PCDH7: variants seen among roughly 807,000 people sequenced by gnomAD.
PCDH7 encodes the protein protocadherin-7.
PCDH7 carries 17 observed loss-of-function variants against 58.9 expected under a neutral mutation model. That is an observed-to-expected ratio of 0.29 (90% confidence interval 0.20 to 0.43). PCDH7 has a LOEUF of 0.43. PCDH7 is among the 20% of genes least tolerant of loss of function. The pLI is 1.00. For synonymous variants in PCDH7, 664 were observed against 616.4 expected, an observed-to-expected ratio of 1.08 and a Z score of -1.14; for missense variants, 1,274 against 1,441.0, an observed-to-expected ratio of 0.88 and a Z score of 1.88.
At chr4:30,968,353 C>T (rs879510932) in intron 3 of PCDH7, among the ~76,000 whole-genome samples, 10,135 of 39,984 alleles carry the variant, frequency 0.25, 985 homozygotes, top group East Asian at 0.47. Flanking sequence ...TATATATATA[C>T]ACACACTATA....
intron 3 of PCDH7, among the ~76,000 whole-genome samples, chr4:31,004,788 G>A (rs768904556): frequency 2.6e-5 from 4 of 151,916 alleles, no homozygotes; most frequent in African/African-American, 9.7e-5. Flanking sequence ...CCTAAAAGAA[G>A]GAACAATATT....
chr4:30,849,657 C>T (rs911937737), intron 1 of PCDH7, among the ~76,000 whole-genome samples: 1 of 151,948 alleles, frequency 6.6e-6, no homozygotes, highest in Non-Finnish European at 1.5e-5. Flanking sequence ...AAATATAAAC[C>T]TGCTGCTTGT....
At chr4:30,811,964 GA>G (rs1187103829) in intron 1 of PCDH7, among the ~76,000 whole-genome samples, 1 of 152,174 alleles carries the variant, frequency 6.6e-6, no homozygotes, top group African/African-American at 2.4e-5. Context: ...AGTATAGGAT[GA>G]GTTAATTCAG....
chr4:30,940,285 A>C (rs1171269468), intron 2 of PCDH7, among the ~76,000 whole-genome samples: 1 of 151,936 alleles, frequency 6.6e-6, no homozygotes, highest in Non-Finnish European at 1.5e-5. Flanking sequence ...TTCTGAACTG[A>C]TTTTGATTGA....
intron 1 of PCDH7, among the ~76,000 whole-genome samples, chr4:30,762,290 TAACA>T (rs1435327073): frequency 6.6e-6 from 1 of 152,148 alleles, no homozygotes; most frequent in Non-Finnish European, 1.5e-5. Context: ...GGAAACATTA[TAACA>T]AATAATATAA....
At chr4:30,968,934 T>C (rs992000653) in intron 3 of PCDH7, among the ~76,000 whole-genome samples, 14 of 152,166 alleles carry the variant, frequency 9.2e-5, no homozygotes, top group Admixed American at 2.6e-4. Context: ...TACATTAACC[T>C]CCACAAACAT....
chr4:31,044,222 C>A (rs1756109026), intron 3 of PCDH7, among the ~76,000 whole-genome samples: 3 of 152,060 alleles, frequency 2.0e-5, no homozygotes, highest in South Asian at 2.1e-4. Flanking sequence ...GCAGGTTATG[C>A]AGAAAGCCAG....
At chr4:30,824,117 T>TTCTTTC (rs1728765119) in intron 1 of PCDH7, among the ~76,000 whole-genome samples, 4 of 145,224 alleles carry the variant, frequency 2.8e-5, no homozygotes, top group Non-Finnish European at 4.5e-5. Flanking sequence ...CTTTCTTTCT[T>TTCTTTC]TCTTTCTTTC....
chr4:31,128,992 A>T (rs1718647176), intron 3 of PCDH7, among the ~76,000 whole-genome samples: 2 of 152,170 alleles, frequency 1.3e-5, no homozygotes. Flanking sequence ...GGATTAACAG[A>T]TATCTTGCTA....
intron 1 of PCDH7, among the ~76,000 whole-genome samples, chr4:30,824,718 T>C (rs1369623559): frequency 1.3e-5 from 2 of 152,116 alleles, no homozygotes; most frequent in African/African-American, 4.8e-5. Context: ...TCTGTTGTGG[T>C]TGAGGAAGCA....
At chr4:30,799,438 A>G (rs1489901350) in intron 1 of PCDH7, among the ~76,000 whole-genome samples, 1 of 152,230 alleles carries the variant, frequency 6.6e-6, no homozygotes, top group Non-Finnish European at 1.5e-5. Flanking sequence ...ACATCTATGC[A>G]AAGTAGTTAA....
chr4:30,824,135 CTTTCTTT>C (rs1728787619), intron 1 of PCDH7, among the ~76,000 whole-genome samples: 1 of 143,480 alleles, frequency 7.0e-6, no homozygotes, highest in Non-Finnish European at 1.5e-5. Flanking sequence ...TTCTTTCTTT[CTTTCTTT>C]CTTTCTTTCT....
chr4:30,891,313 T>A (rs767024156), intron 1 of PCDH7, among the ~76,000 whole-genome samples: 29 of 152,080 alleles, frequency 1.9e-4, no homozygotes, highest in Non-Finnish European at 2.5e-4. Context: ...AAGAGCTTCA[T>A]TAAATGGACT....
intron 2 of PCDH7, among the ~76,000 whole-genome samples, chr4:30,923,497 AAC>A (rs1412857455): frequency 6.6e-6 from 1 of 152,134 alleles, no homozygotes. Flanking sequence ...TATATTCTAA[AAC>A]ACATTACCGC....
chr4:30,872,837 A>G (rs1421061114), intron 1 of PCDH7, among the ~76,000 whole-genome samples: 1 of 152,094 alleles, frequency 6.6e-6, no homozygotes. Flanking sequence ...CTCATCATTT[A>G]AATAGACATT....
exon 2 of PCDH7, chr4:30,731,017 G>A (rs1715414177): frequency 5.8e-6 from 7 of 1,206,596 alleles, no homozygotes; most frequent in Non-Finnish European, 5.1e-6. Context: ...ACTAATGGAT[G>A]TCTGAGTCAC....
intron 3 of PCDH7, among the ~76,000 whole-genome samples, chr4:31,079,339 T>TAG (rs1458042629): frequency 2.9e-5 from 2 of 70,166 alleles, no homozygotes; most frequent in African/African-American, 7.1e-5. Flanking sequence ...TATATATATA[T>TAG]ATATATATAT....
chr4:30,813,376 C>T (rs1046398593), intron 1 of PCDH7, among the ~76,000 whole-genome samples: 15 of 152,182 alleles, frequency 9.9e-5, no homozygotes, highest in South Asian at 4.2e-4. Flanking sequence ...TATCAATCTC[C>T]GGATCCTCCA....
intron 1 of PCDH7, among the ~76,000 whole-genome samples, chr4:30,809,858 G>A (rs2109312585): frequency 6.6e-6 from 1 of 152,206 alleles, no homozygotes; most frequent in Non-Finnish European, 1.5e-5. Flanking sequence ...TGTGTCCCTG[G>A]CCCCAGTGCT....
Sources: allele counts gnomAD v4.1 joint callset (sites outside exome capture counted in the v4.1 genomes callset), GRCh38; gene constraint gnomAD v4.1.1; transcripts MANE v1.5; gene names NCBI Gene and HGNC (gene_info 2026-07-23, HGNC 2026-07-21).